The following UVRAG variants were observed in gnomAD, a reference collection of about 807,000 sequenced individuals.
The protein encoded by UVRAG is UV radiation resistance-associated gene protein.
A neutral mutation model predicts 78.0 loss-of-function variants in UVRAG; 19 were observed. The ratio of observed to expected loss-of-function variants is 0.24; its 90% confidence interval spans 0.17 to 0.36. The LOEUF (loss-of-function observed/expected upper bound fraction) is 0.36. Among genes scored for constraint, UVRAG ranks in the 10% least tolerant of loss-of-function variants. The pLI, the probability that UVRAG is intolerant of heterozygous loss-of-function variation, is 1.00. For missense variants in UVRAG, 740 were observed against 853.8 expected, an observed-to-expected ratio of 0.87 and a Z score of 1.66; for synonymous variants, 323 against 324.6, an observed-to-expected ratio of 1.00 and a Z score of 0.05.
At chr11:75,947,184 G>A (rs562588052) in intron 6 of UVRAG, among the ~76,000 whole-genome samples, 7 of 152,218 alleles carry the variant, frequency 4.6e-5, no homozygotes, top group South Asian at 2.1e-4. Context: ...AATTTGGGGC[G>A]GGGGATGAAG....
chr11:75,965,722 TCGTTTG>T (rs1949008235), intron 7 of UVRAG, among the ~76,000 whole-genome samples: 2 of 152,316 alleles, frequency 1.3e-5, no homozygotes, highest in African/African-American at 4.8e-5. Flanking sequence ...TATTTCTCAT[TCGTTTG>T]CTGCTAGTAT....
chr11:76,117,740 C>A (rs993188520), intron 14 of UVRAG, among the ~76,000 whole-genome samples: 9 of 152,290 alleles, frequency 5.9e-5, no homozygotes, highest in African/African-American at 2.2e-4. Context: ...GGTGACTTTT[C>A]TTCAGGAGCC....
At chr11:75,997,147 A>G (rs1362053327) in intron 8 of UVRAG, among the ~76,000 whole-genome samples, 1 of 152,258 alleles carries the variant, frequency 6.6e-6, no homozygotes, top group African/African-American at 2.4e-5. Context: ...ATCATAGTAT[A>G]GAAAAGGCAT....
intron 12 of UVRAG, among the ~76,000 whole-genome samples, chr11:76,032,805 T>A (rs1242088949): frequency 1.3e-5 from 2 of 152,196 alleles, no homozygotes; most frequent in Non-Finnish European, 2.9e-5. Flanking sequence ...ATAATACACC[T>A]TTCCATGGAC....
At chr11:76,029,016 T>G (rs7110746) in intron 12 of UVRAG, among the ~76,000 whole-genome samples, 1 of 152,114 alleles carries the variant, frequency 6.6e-6, no homozygotes, top group Admixed American at 6.6e-5. Context: ...AAGCTGACTC[T>G]TTTATTAGGG....
At position 75,911,947 on chromosome 11, in the gene UVRAG, C is replaced by A. The variant is rs752174056; in HGVS notation, c.508-7C>A. The A allele has an allele frequency of 6.3e-7, 1 of 1,596,720 alleles. No homozygotes were observed. The highest frequency in any genetic ancestry group is 1.7e-5 in the Admixed American group (1 of 59,378). ...TTTTGATTAATTTGTTGGTTAATGT[C>A]TTTCAGGGTTATTCAAATGCTCAGA... On this transcript the variant is annotated splice_region_variant and splice_polypyrimidine_tract_variant and intron_variant, in intron 5 of 14. Coordinates refer to ENST00000356136, the MANE Select transcript of UVRAG (RefSeq NM_003369.4).
intron 8 of UVRAG, among the ~76,000 whole-genome samples, chr11:75,985,040 C>T (rs891981053): frequency 5.9e-5 from 9 of 152,058 alleles, no homozygotes; most frequent in Admixed American, 2.6e-4. Context: ...AGAGAATGTA[C>T]GTATCTTCAG....
intron 8 of UVRAG, among the ~76,000 whole-genome samples, chr11:76,003,345 C>T (rs550318325): frequency 5.4e-5 from 7 of 130,044 alleles, no homozygotes; most frequent in Non-Finnish European, 1.1e-4. Flanking sequence ...GATCTTGGCT[C>T]ACTGCAACCT....
At chr11:75,902,244 T>C (rs891551741) in intron 5 of UVRAG, among the ~76,000 whole-genome samples, 1 of 152,196 alleles carries the variant, frequency 6.6e-6, no homozygotes, top group Non-Finnish European at 1.5e-5. Flanking sequence ...GGGATCGGTT[T>C]TGTGGAAGAC....
intron 12 of UVRAG, among the ~76,000 whole-genome samples, chr11:76,026,456 T>C (rs1460430309): frequency 1.3e-5 from 2 of 152,176 alleles, no homozygotes; most frequent in Admixed American, 6.6e-5. Flanking sequence ...GATTAGCATC[T>C]GTTTGCTTTC....
In UVRAG at chr11:76,081,962, A is replaced by G. The variant is rs1224849571; in HGVS notation, c.1305+16174A>G. Among the ~76,000 whole-genome samples, 6 of 151,862 alleles carry G rather than the reference A, an allele frequency of 4.0e-5. 1 individual carries two copies. The South Asian group carries it at 8.3e-4, about 21-fold the overall frequency. On this transcript the variant is annotated intron_variant, in intron 13 of 14. Transcript: ENST00000356136. ...GCAAAAAAAAAAAAAAAAATCCACAATCATCCTCTATTTATGTATAGTTCA... is the reference window on the plus strand; with the variant it reads ...GCAAAAAAAAAAAAAAAAATCCACAGTCATCCTCTATTTATGTATAGTTCA...
At chr11:76,066,961 T>C (rs759427079) in intron 13 of UVRAG, among the ~76,000 whole-genome samples, 7 of 152,212 alleles carry the variant, frequency 4.6e-5, no homozygotes, top group Non-Finnish European at 1.0e-4. Context: ...TGGCCTGTGT[T>C]GCCATTTATC....
intron 3 of UVRAG, among the ~76,000 whole-genome samples, chr11:75,874,623 TTGTA>T (rs1946724476): frequency 6.6e-6 from 1 of 152,244 alleles, no homozygotes; most frequent in Non-Finnish European, 1.5e-5. Context: ...GATTAAATAT[TTGTA>T]TGTGCTAGAA....
At chr11:75,849,022 T>C (rs1946094841) in intron 1 of UVRAG, among the ~76,000 whole-genome samples, 1 of 151,812 alleles carries the variant, frequency 6.6e-6, no homozygotes, top group Non-Finnish European at 1.5e-5. Flanking sequence ...TTACTAAAAA[T>C]ACAAAATTAG....
intron 13 of UVRAG, among the ~76,000 whole-genome samples, chr11:76,093,312 T>C (rs1235580815): frequency 6.6e-6 from 1 of 152,236 alleles, no homozygotes; most frequent in African/African-American, 2.4e-5. Context: ...GCTTTGTTCT[T>C]TTCGCTCAGG....
chr11:75,986,948 C>T (rs1226774824), intron 8 of UVRAG, among the ~76,000 whole-genome samples: 1 of 152,206 alleles, frequency 6.6e-6, no homozygotes, highest in Admixed American at 6.5e-5. Context: ...TTCATTTTTA[C>T]TCCTGAATAA....
intron 5 of UVRAG, among the ~76,000 whole-genome samples, chr11:75,894,802 CAAAAAAA>C (rs375833755): frequency 1.7e-5 from 1 of 60,212 alleles, no homozygotes; most frequent in African/African-American, 5.4e-5. Flanking sequence ...CCGTCTCTAC[CAAAAAAA>C]AAAAAAAAAA....
chr11:75,876,288 T>C (rs1190223689), intron 3 of UVRAG, among the ~76,000 whole-genome samples: 1 of 152,210 alleles, frequency 6.6e-6, no homozygotes, highest in Non-Finnish European at 1.5e-5. Flanking sequence ...TTGGGCCATA[T>C]AGTCTTTTAT....
intron 7 of UVRAG, among the ~76,000 whole-genome samples, chr11:75,975,490 A>G (rs1440227640): frequency 1.3e-5 from 2 of 152,154 alleles, no homozygotes; most frequent in Admixed American, 1.3e-4. Flanking sequence ...GATTCTTCCT[A>G]TCCATGAGCA....
Sources: allele counts gnomAD v4.1 joint callset (sites outside exome capture counted in the v4.1 genomes callset), GRCh38; gene constraint gnomAD v4.1.1; transcripts MANE v1.5; gene names NCBI Gene and HGNC (gene_info 2026-07-23, HGNC 2026-07-21).